The following PLCB1 variants were observed in gnomAD, a reference collection of about 807,000 sequenced individuals.
The protein encoded by PLCB1 is phospholipase C beta 1, also known as 1-phosphatidylinositol 4,5-bisphosphate phosphodiesterase beta-1.
PLCB1 carries 46 observed loss-of-function variants against 161.8 expected under a neutral mutation model. That is an observed-to-expected ratio of 0.28 (90% CI 0.22 to 0.36). The LOEUF is 0.36. PLCB1 is among the 10% of genes least tolerant of loss of function. The pLI is 1.00. For missense variants in PLCB1, 1,016 were observed against 1,472.5 expected (o/e 0.69, Z 5.07); for synonymous variants, 517 against 503.7 (o/e 1.03, Z -0.35).
At chr20:8,504,021 G>T (rs1477364779) in intron 3 of PLCB1, among the ~76,000 whole-genome samples, 2 of 152,066 alleles carry the variant, frequency 1.3e-5, no homozygotes, top group Non-Finnish European at 2.9e-5. Context: ...ACATCCTTAG[G>T]GTTGAAGCAG....
intron 2 of PLCB1, among the ~76,000 whole-genome samples, chr20:8,224,313 A>G (rs1038687851): frequency 1.3e-5 from 2 of 152,158 alleles, no homozygotes; most frequent in African/African-American, 4.8e-5. Flanking sequence ...TAGAGGGTTA[A>G]CAGTTCAGCA....
chr20:8,387,976 TTAAAA>T (rs1390455105), intron 3 of PLCB1, among the ~76,000 whole-genome samples: 13 of 128,734 alleles, frequency 1.0e-4, no homozygotes, highest in Non-Finnish European at 1.6e-4. Context: ...ACCACTTTTT[TTAAAA>T]AAAAAAAAAA....
chr20:8,170,909 A>G (rs555095574), intron 2 of PLCB1, among the ~76,000 whole-genome samples: 5 of 152,302 alleles, frequency 3.3e-5, no homozygotes, highest in African/African-American at 1.2e-4. Flanking sequence ...AGAACCTCAT[A>G]TTGATGTGGC....
intron 2 of PLCB1, among the ~76,000 whole-genome samples, chr20:8,299,791 C>G (rs1379565880): frequency 6.6e-6 from 1 of 152,208 alleles, no homozygotes. Flanking sequence ...CCACCACGTC[C>G]TGTTGATTTA....
intron 3 of PLCB1, among the ~76,000 whole-genome samples, chr20:8,589,139 T>C (rs937095294): frequency 6.6e-6 from 1 of 152,168 alleles, no homozygotes; most frequent in Non-Finnish European, 1.5e-5. Flanking sequence ...GTCTTTGGGC[T>C]TAGTTGTGCA....
At chr20:8,384,384 G>A (rs138219971) in intron 3 of PLCB1, among the ~76,000 whole-genome samples, 2,086 of 151,976 alleles carry the variant, frequency 0.014, 56 homozygotes, top group South Asian at 0.082. Context: ...GGTCATTTAT[G>A]TTCCTCTCTA....
chr20:8,132,728 C>T lies in PLCB1; in HGVS notation c.77C>T (p.Thr26Ile). The T allele has an allele frequency of 3.7e-6, 6 of 1,612,370 alleles. No homozygotes were observed. Among genetic ancestry groups the T allele is most frequent in the Non-Finnish European group, 5.1e-6 (6 of 1,178,796 alleles). Reference sequence around the variant, plus strand: ...GTGTCCGACAGCCTCAAGAAGGGCACCAAATTCGTCAAGTGGGATGATGTA... The same window carrying T: ...GTGTCCGACAGCCTCAAGAAGGGCATCAAATTCGTCAAGTGGGATGATGTA... ...VCVSDSLKKGTKFVKWDDDST... is the reference protein window; with the variant it reads ...VCVSDSLKKGIKFVKWDDDST... The change falls in exon 1 of 32, where the codon ACC becomes ATC. Residue 26 changes from threonine (T) to isoleucine (I), a missense_variant. By Grantham distance (89) the Thr-to-Ile change is moderately conservative (BLOSUM62 -1). Coordinates refer to ENST00000338037, the MANE Select transcript of PLCB1 (RefSeq NM_015192.4). The surrounding 1 kb of genome is among the most constrained non-coding windows in gnomAD (Gnocchi z 5.2).
chr20:8,516,697 ATATATATATATATG>A lies in PLCB1; in HGVS notation c.247-111593_247-111580del, dbSNP rs1252771040. Among the ~76,000 whole-genome samples the A allele has an allele frequency of 8.7e-4, 107 of 123,430 alleles. 2 individuals are homozygous for A. Among genetic ancestry groups the A allele is most frequent in the African/African-American group, 2.9e-3 (81 of 27,810 alleles). 81.0% of individuals were successfully genotyped at this position (123,430 alleles called of 152,430 possible). A position where few individuals can be genotyped will look rare whatever the true frequency, so the allele number is the denominator to read the frequency against. On this transcript the variant is annotated intron_variant, in intron 3 of 31. Transcript: ENST00000338037. ...TATATATATATATATATATATATATATATATATATATATGTATTCCATTTTGATGCTATATACTA... is the reference window on the plus strand; with the variant it reads ...TATATATATATATATATATATATATATATTCCATTTTGATGCTATATACTA...
At chr20:8,788,309 G>A in intron 27 of PLCB1, 140 bp from the exon 28 acceptor site, 1 of 715,006 alleles carries the variant, frequency 1.4e-6, no homozygotes, top group South Asian at 1.9e-5. Context: ...CATTGCCAAT[G>A]TTAGATGTCT....
chr20:8,199,372 T>C (rs1314178476), intron 2 of PLCB1, among the ~76,000 whole-genome samples: 1 of 152,166 alleles, frequency 6.6e-6, no homozygotes, highest in Non-Finnish European at 1.5e-5. Flanking sequence ...AATTGAGTCT[T>C]ATTGCATATA....
intron 23 of PLCB1, among the ~76,000 whole-genome samples, chr20:8,753,067 A>C (rs1049963295): frequency 6.6e-6 from 1 of 152,058 alleles, no homozygotes; most frequent in African/African-American, 2.4e-5. Flanking sequence ...TGTGAACTGC[A>C]CATGTGAAAA....
intron 2 of PLCB1, among the ~76,000 whole-genome samples, chr20:8,202,131 G>C (rs2052098293): frequency 0.019 from 1 of 52 alleles, no homozygotes; most frequent in South Asian, 0.25. Flanking sequence ...AGACTGGAGG[G>C]CAGTGGTGCA....
chr20:8,711,863 C>T (rs918124767), intron 12 of PLCB1, among the ~76,000 whole-genome samples: 3 of 152,180 alleles, frequency 2.0e-5, no homozygotes, highest in African/African-American at 7.2e-5. Context: ...TGACCTCAGA[C>T]TAGACCAGCA....
At chr20:8,552,799 C>T (rs964606284) in intron 3 of PLCB1, among the ~76,000 whole-genome samples, 1 of 152,040 alleles carries the variant, frequency 6.6e-6, no homozygotes, top group Admixed American at 6.6e-5. Context: ...ATGTTTAGAC[C>T]CCTAGACATC....
At chr20:8,857,402 G>GT (rs1475966985) in intron 31 of PLCB1, among the ~76,000 whole-genome samples, 1 of 152,182 alleles carries the variant, frequency 6.6e-6, no homozygotes, top group African/African-American at 2.4e-5. Flanking sequence ...TGTTGCTATA[G>GT]TTTATTTTGA....
intron 2 of PLCB1, among the ~76,000 whole-genome samples, chr20:8,274,877 C>A (rs563886570): frequency 1.3e-5 from 2 of 152,102 alleles, no homozygotes; most frequent in Admixed American, 1.3e-4. Context: ...TCTTTCCCTG[C>A]GATGAGTTAT....
chr20:8,690,849 G>A (rs1018981298), intron 10 of PLCB1, among the ~76,000 whole-genome samples: 7 of 152,152 alleles, frequency 4.6e-5, no homozygotes, highest in Non-Finnish European at 1.0e-4. Flanking sequence ...TCAGGAATGA[G>A]CAAGGACAGT....
chr20:8,207,983 A>G (rs11697267), intron 2 of PLCB1, among the ~76,000 whole-genome samples: 32,149 of 151,998 alleles, frequency 0.21, 3,501 homozygotes, highest in South Asian at 0.28. Context: ...CCATGTTCAT[A>G]TGGGGTATCT....
chr20:8,548,476 C>A (rs1985649301), intron 3 of PLCB1, among the ~76,000 whole-genome samples: 1 of 135,266 alleles, frequency 7.4e-6, no homozygotes, highest in South Asian at 2.4e-4. Flanking sequence ...TTTCCATCAT[C>A]TATCTTTCTA....
Sources: gnomAD v4.1 joint callset for allele counts (sites outside exome capture counted in the v4.1 genomes callset) on GRCh38, gnomAD v4.1.1 for gene constraint, Gnocchi (gnomAD v3.1) non-coding constraint, MANE v1.5 for transcripts, NCBI Gene and HGNC (gene_info 2026-07-23, HGNC 2026-07-21) for gene names.